The following CDS1 variants were observed in gnomAD, a reference collection of about 807,000 sequenced individuals.
CDS1 encodes phosphatidate cytidylyltransferase 1.
A neutral mutation model predicts 62.1 loss-of-function variants in CDS1; 41 were observed. The ratio of observed to expected loss-of-function variants is 0.66; its 90% CI spans 0.51 to 0.86. The LOEUF is 0.86. Ranked by LOEUF, CDS1 falls within the 40% of genes least tolerant of loss-of-function variation. The probability of loss-of-function intolerance (pLI) is 0.00; values close to 1 mark genes in which losing one functional copy is unlikely to be tolerated. For missense variants in CDS1, 470 were observed against 550.1 expected (o/e 0.85, Z 1.46); for synonymous variants, 185 against 192.6 (o/e 0.96, Z 0.32).
At chr4:84,645,678 C>G (rs953167795) in intron 12 of CDS1, among the ~76,000 whole-genome samples, 12 of 152,166 alleles carry the variant, frequency 7.9e-5, no homozygotes, top group Non-Finnish European at 1.6e-4. Context: ...TGCATCCAGT[C>G]TACCAATTAT....
In CDS1 at chr4:84,599,403, CACATATATATATATATAT is replaced by C. The variant is rs1438313176; in HGVS notation, c.118-4838_118-4821del. ...AATTTGGCAAATTTTGACACACACA[CACATATATATATATATAT>C]ATATATATATATATATATATATATA... On this transcript the variant is annotated intron_variant, in intron 1 of 12. Transcript: ENST00000295887. 5.6e-3 allele frequency among the ~76,000 whole-genome samples: 97 copies of C among 17,228 alleles called. 1 individual carries two copies. In the Admixed American group the frequency reaches 0.057, roughly 10 times the overall value. 11.3% of individuals were successfully genotyped at this position (17,228 alleles called of 152,430 possible). A position where few individuals can be genotyped will look rare whatever the true frequency, so the allele number is the denominator to read the frequency against.
rs1411574702 is a variant in CDS1 at position 84,598,463 on chromosome 4, G to T, written c.118-5780G>T. ...TACTTTTAGGGTACATGTGCACAAC[G>T]TGCAGGTTTGTTACATATGTATACT... On this transcript the variant is annotated intron_variant, in intron 1 of 12. Transcript: ENST00000295887. 6.0e-5 allele frequency among the ~76,000 whole-genome samples: 9 copies of T among 150,094 alleles called. No individual in the cohort carries two copies. The East Asian group carries it at 1.8e-3, about 29-fold the overall frequency.
chr4:84,641,513 C>T (rs757728363), intron 10 of CDS1, among the ~76,000 whole-genome samples: 1 of 152,204 alleles, frequency 6.6e-6, no homozygotes, highest in Non-Finnish European at 1.5e-5. Flanking sequence ...TCAAATGGAT[C>T]AAATGGTTTA....
intron 5 of CDS1, among the ~76,000 whole-genome samples, chr4:84,625,575 G>A (rs1289960472): frequency 4.6e-5 from 7 of 152,078 alleles, no homozygotes; most frequent in Non-Finnish European, 8.8e-5. Flanking sequence ...AGCTGTGCAG[G>A]CATGAGAATG....
intron 2 of CDS1, among the ~76,000 whole-genome samples, chr4:84,605,019 A>G (rs965583775): frequency 2.6e-5 from 4 of 152,202 alleles, no homozygotes; most frequent in Non-Finnish European, 5.9e-5. Flanking sequence ...TGTGATGACC[A>G]CAAAATTTCA....
At chr4:84,643,364 T>C (rs1724453491) in intron 11 of CDS1, among the ~76,000 whole-genome samples, 1 of 152,242 alleles carries the variant, frequency 6.6e-6, no homozygotes, top group Admixed American at 6.5e-5. Context: ...TCATGTCAGC[T>C]TCCTTTATAG....
chr4:84,597,405 A>G (rs1722783752), intron 1 of CDS1, among the ~76,000 whole-genome samples: 1 of 152,150 alleles, frequency 6.6e-6, no homozygotes, highest in East Asian at 1.9e-4. Flanking sequence ...TGGGAGGCCA[A>G]GGTGGGAGGA....
intron 1 of CDS1, among the ~76,000 whole-genome samples, chr4:84,602,191 A>G (rs1024182216): frequency 6.6e-6 from 1 of 152,170 alleles, no homozygotes; most frequent in Non-Finnish European, 1.5e-5. Flanking sequence ...ACTATTTAGA[A>G]ATTGTCTTGT....
At chr4:84,624,038 G>A (rs532692066) in intron 5 of CDS1, among the ~76,000 whole-genome samples, 53 of 152,050 alleles carry the variant, frequency 3.5e-4, no homozygotes, top group African/African-American at 1.2e-3. Context: ...TTGAGAGGCC[G>A]AGGCAGGCGG....
chr4:84,616,686 C>T (rs889931542), intron 3 of CDS1, among the ~76,000 whole-genome samples: 2 of 152,152 alleles, frequency 1.3e-5, no homozygotes. Context: ...AAGATTTTTA[C>T]CTCTTAATTC....
chr4:84,592,799 G>A (rs538711156), intron 1 of CDS1, among the ~76,000 whole-genome samples: 2 of 152,206 alleles, frequency 1.3e-5, no homozygotes, highest in African/African-American at 2.4e-5. Flanking sequence ...TTATTTGCCG[G>A]AACCCATGGC....
intron 1 of CDS1, among the ~76,000 whole-genome samples, chr4:84,586,781 G>T (rs1387898131): frequency 2.0e-5 from 3 of 152,200 alleles, no homozygotes; most frequent in Admixed American, 1.3e-4. Flanking sequence ...GCAAGTTTAG[G>T]TTGAGGAAAT....
At position 84,648,669 on chromosome 4, in the gene CDS1, C is replaced by T. The variant is rs1724623950; in HGVS notation, c.1369C>T (p.Pro457Ser). Residue 457 changes from proline to serine, a missense_variant, in exon 13 of 13, where the codon CCC (proline) becomes TCC (serine). Physicochemically the swap from Pro to Ser is moderately conservative, Grantham distance 74 (BLOSUM62 -1). Coordinates refer to ENST00000295887, the MANE Select transcript of CDS1 (RefSeq NM_001263.4). Reference protein sequence around the residue: ...THLIEKGILQPTLKV With the variant: ...THLIEKGILQSTLKV ...TCTCATTGAGAAAGGAATCCTACAACCCACCTTGAAGGTATAACTGGATCC... is the reference window on the plus strand; with the variant it reads ...TCTCATTGAGAAAGGAATCCTACAATCCACCTTGAAGGTATAACTGGATCC... 19 of 1,613,148 alleles carry T rather than the reference C, an allele frequency of 1.2e-5. No individual in the cohort carries two copies. The highest frequency in any genetic ancestry group is 1.5e-5 in the Non-Finnish European group (18 of 1,179,468).
intron 1 of CDS1, among the ~76,000 whole-genome samples, chr4:84,593,526 A>T (rs983721167): frequency 6.6e-6 from 1 of 151,096 alleles, no homozygotes; most frequent in Non-Finnish European, 1.5e-5. Flanking sequence ...TCTCGTTTAG[A>T]TAGAGTCTTG....
At chr4:84,608,689 T>C (rs2110051263) in intron 2 of CDS1, among the ~76,000 whole-genome samples, 1 of 152,230 alleles carries the variant, frequency 6.6e-6, no homozygotes, top group South Asian at 2.1e-4. Flanking sequence ...GTCCATGCTG[T>C]CTATATCATA....
At chr4:84,635,604 TGCCTGCCTGCCTGCCTG>T (rs1560481478) in intron 8 of CDS1, among the ~76,000 whole-genome samples, 2 of 92,370 alleles carry the variant, frequency 2.2e-5, no homozygotes, top group African/African-American at 4.6e-5. Flanking sequence ...CCTGCCTGCC[TGCCTGCCTGCCTGCCTG>T]CCTGCCTTCC....
chr4:84,641,497 TA>T (rs1473995514), intron 10 of CDS1, among the ~76,000 whole-genome samples: 4 of 152,252 alleles, frequency 2.6e-5, no homozygotes, highest in Non-Finnish European at 5.9e-5. Context: ...GAGAACGGGT[TA>T]CAAATCAAAT....
intron 1 of CDS1, among the ~76,000 whole-genome samples, chr4:84,594,020 C>T (rs929238318): frequency 3.9e-5 from 6 of 152,058 alleles, no homozygotes; most frequent in African/African-American, 1.2e-4. Flanking sequence ...ACTCTGGGGC[C>T]TGATAAATTT....
chr4:84,623,298 C>T (rs1354338804), intron 5 of CDS1, among the ~76,000 whole-genome samples: 3 of 152,146 alleles, frequency 2.0e-5, no homozygotes, highest in Non-Finnish European at 4.4e-5. Context: ...AGGTAGTTGT[C>T]TTATGTTTGT....
Sources: allele counts gnomAD v4.1 joint callset (sites outside exome capture counted in the v4.1 genomes callset), GRCh38; gene constraint gnomAD v4.1.1; transcripts MANE v1.5; gene names NCBI Gene and HGNC (gene_info 2026-07-23, HGNC 2026-07-21).